The following MIA2 variants were observed in gnomAD, a reference collection of about 807,000 sequenced individuals.
The protein encoded by MIA2 is MIA SH3 domain ER export factor 2, also known as melanoma inhibitory activity protein 2.
MIA2 carries 127 observed loss-of-function variants against 167.8 expected under a neutral mutation model. The ratio of observed to expected loss-of-function variants is 0.76; its 90% CI spans 0.66 to 0.88. The LOEUF (loss-of-function observed/expected upper bound fraction) is 0.88. Ranked by LOEUF, MIA2 falls within the 40% of genes least tolerant of loss-of-function variation. The pLI is 0.00. For synonymous variants in MIA2, 552 were observed against 541.9 expected, an observed-to-expected ratio of 1.02 and a Z score of -0.26; for missense variants, 1,690 against 1,624.7, an observed-to-expected ratio of 1.04 and a Z score of -0.69.
intron 6 of MIA2, among the ~76,000 whole-genome samples, chr14:39,253,938 C>T (rs2054699885): frequency 1.3e-5 from 2 of 152,178 alleles, no homozygotes; most frequent in Non-Finnish European, 2.9e-5. Flanking sequence ...GCACTTTTAT[C>T]TTCTTATTTA....
At chr14:39,375,289 TATC>T (rs1450788619) in intron 23 of MIA2, among the ~76,000 whole-genome samples, 1 of 152,246 alleles carries the variant, frequency 6.6e-6, no homozygotes. Flanking sequence ...CTGAGAATGT[TATC>T]ATTAGTTCAT....
At chr14:39,276,871 G>A (rs2058075106) in intron 6 of MIA2, 63 bp from the exon 7 acceptor site, 1 of 1,575,904 alleles carries the variant, frequency 6.3e-7, no homozygotes, top group Non-Finnish European at 8.6e-7. Context: ...TTGTACCTAT[G>A]TTTGTAATCA....
rs1273974441 is a variant in MIA2 at position 39,350,131 on chromosome 14, C to T, written c.4106C>T (p.Pro1369Leu). The T allele has an allele frequency of 3.6e-6, 5 of 1,383,530 alleles. No homozygotes were observed. 85.7% of individuals were successfully genotyped at this position (1,383,530 alleles called of 1,614,324 possible). A position where few individuals can be genotyped will look rare whatever the true frequency, so the allele number is the denominator to read the frequency against. Residue 1369 changes from proline to leucine, a missense_variant, in exon 29 of 29, where the codon CCT becomes CTT. Transcript: ENST00000640607. ...RNVYPPRGFP[P>L]YLPPRPGFFP... ...GTCTATCCACCGAGGGGTTTTCCTC[C>T]TTACCTTCCCCCAAGACCTGGATTT... is the stretch of plus-strand genomic sequence containing the variant.
intron 7 of MIA2, 36 bp downstream of exon 7, chr14:39,277,101 T>A: frequency 6.3e-7 from 1 of 1,588,766 alleles, no homozygotes; most frequent in Non-Finnish European, 8.6e-7. Context: ...GAATGTTCAT[T>A]TTGTCACTGG....
intron 3 of MIA2, 35 bp from the exon 4 acceptor site, chr14:39,246,876 T>C (rs766714620): frequency 8.2e-7 from 1 of 1,213,972 alleles, no homozygotes; most frequent in Non-Finnish European, 1.1e-6. Context: ...CTCTAGTACA[T>C]TCATGTTAAT....
exon 24 of MIA2, chr14:39,387,043 G>T: frequency 1.4e-6 from 1 of 692,654 alleles, no homozygotes; most frequent in Non-Finnish European, 2.5e-6. Flanking sequence ...TACAGTGCCG[G>T]GTAGCTGGCG....
intron 6 of MIA2, among the ~76,000 whole-genome samples, chr14:39,259,005 G>A (rs148413675): frequency 2.0e-3 from 312 of 152,334 alleles, no homozygotes; most frequent in African/African-American, 7.2e-3. Flanking sequence ...TCCTGTATGA[G>A]GTGTCTGTTG....
At chr14:39,262,415 G>A (rs1410306340) in intron 6 of MIA2, among the ~76,000 whole-genome samples, 3 of 152,172 alleles carry the variant, frequency 2.0e-5, no homozygotes, top group African/African-American at 7.2e-5. Context: ...TTTGGTTACT[G>A]TAGCTTTGTA....
chr14:39,259,793 T>C (rs949023650), intron 6 of MIA2, among the ~76,000 whole-genome samples: 1 of 151,196 alleles, frequency 6.6e-6, no homozygotes, highest in Non-Finnish European at 1.5e-5. Context: ...TGTGCCGTGT[T>C]GGTTTGCTGC....
intron 26 of MIA2, among the ~76,000 whole-genome samples, chr14:39,347,116 T>C (rs578171456): frequency 1.3e-5 from 2 of 152,136 alleles, no homozygotes; most frequent in South Asian, 2.1e-4. Context: ...GCTGAAGTCA[T>C]GGACTTTGGA....
rs531895991 is a variant in MIA2, at chr14:39,314,008, A to T, written c.3119+567A>T. 1.3e-3 allele frequency among the ~76,000 whole-genome samples: 202 copies of T among 152,324 alleles called. 2 individuals are homozygous for T. Among genetic ancestry groups the T allele is most frequent in the African/African-American group, 4.7e-3 (196 of 41,566 alleles). ...AGAGCAAGCTTGCTTTTTATCCAAAATAAGTTATCTTGTTAATCTCACAAA... is the reference window on the plus strand; with the variant it reads ...AGAGCAAGCTTGCTTTTTATCCAAATTAAGTTATCTTGTTAATCTCACAAA... On this transcript the variant is annotated intron_variant, in intron 19 of 28. Coordinates refer to ENST00000640607, the MANE Select transcript of MIA2 (RefSeq NM_001329214.4).
intron 25 of MIA2, among the ~76,000 whole-genome samples, chr14:39,344,350 G>C (rs2072727870): frequency 6.6e-6 from 1 of 152,142 alleles, no homozygotes; most frequent in Non-Finnish European, 1.5e-5. Flanking sequence ...TCCTTTGTTT[G>C]AAGTAGAAAG....
downstream of MIA2, among the ~76,000 whole-genome samples, chr14:39,355,908 G>A (rs552941008): frequency 6.6e-6 from 1 of 152,190 alleles, no homozygotes; most frequent in Non-Finnish European, 1.5e-5. Flanking sequence ...AAGCCTATTT[G>A]ATCATGGTGG....
chr14:39,359,992 G>GTTTTTTTTTTTTTTTTTTTTTTTTT (rs58076493), intron 23 of MIA2, among the ~76,000 whole-genome samples: 1 of 128,818 alleles, frequency 7.8e-6, no homozygotes, highest in Non-Finnish European at 1.7e-5. Context: ...TCTGCAGCAT[G>GTTTTTTTTTTTTTTTTTTTTTTTTT]TTTTTTTTTT....
chr14:39,344,702 A>G (rs1165900958), intron 25 of MIA2, among the ~76,000 whole-genome samples: 3 of 152,160 alleles, frequency 2.0e-5, no homozygotes, highest in East Asian at 1.9e-4. Flanking sequence ...TTGTTTACGT[A>G]TATCTGTAAT....
chr14:39,313,904 T>G (rs565286679), intron 19 of MIA2, among the ~76,000 whole-genome samples: 38 of 152,014 alleles, frequency 2.5e-4, no homozygotes, highest in Non-Finnish European at 5.1e-4. Flanking sequence ...CCTTACTAGA[T>G]CCCAGGAAAT....
At chr14:39,267,193 C>T (rs1006314339) in intron 6 of MIA2, 3 of 1,262,496 alleles carry the variant, frequency 2.4e-6, no homozygotes, top group Non-Finnish European at 3.0e-6. Flanking sequence ...GGACAGGGTA[C>T]GTCGCAGGCT....
At chr14:39,379,008 C>A (rs2075100047) in intron 23 of MIA2, among the ~76,000 whole-genome samples, 1 of 152,162 alleles carries the variant, frequency 6.6e-6, no homozygotes, top group South Asian at 2.1e-4. Context: ...AGACTTAATT[C>A]CTCAAACAAT....
intron 7 of MIA2, among the ~76,000 whole-genome samples, chr14:39,277,739 TATATGTGTGTATATATATATATATA>T (rs2058326901): frequency 4.8e-4 from 2 of 4,190 alleles, no homozygotes; most frequent in African/African-American, 1.3e-3. Context: ...TATATATATA[TATATGTGTGTATATATATATATATA>T]TATATATATA....
Sources: allele counts gnomAD v4.1 joint callset (sites outside exome capture counted in the v4.1 genomes callset), GRCh38; gene constraint gnomAD v4.1.1; transcripts MANE v1.5; gene names NCBI Gene and HGNC (gene_info 2026-07-23, HGNC 2026-07-21).